The following MIGA1 variants were observed in gnomAD, a reference collection of about 807,000 sequenced individuals.
MIGA1 encodes mitoguardin 1.
Under a neutral mutation model 82.0 loss-of-function variants are expected in MIGA1, and 58 were observed. The observed-to-expected ratio is 0.71, with a 90% CI of 0.57 to 0.88. The LOEUF (loss-of-function observed/expected upper bound fraction) is 0.88, where lower values mean the gene tolerates loss of function less well. Ranked by LOEUF, MIGA1 falls within the 40% of genes least tolerant of loss-of-function variation. MIGA1 has a pLI of 0.00. For synonymous variants in MIGA1, 249 were observed against 253.6 expected (o/e 0.98, Z 0.17); for missense variants, 751 against 749.1 (o/e 1.00, Z -0.03).
At chr1:77,793,747 G>GA (rs1682533792) in intron 2 of MIGA1, among the ~76,000 whole-genome samples, 1 of 149,292 alleles carries the variant, frequency 6.7e-6, no homozygotes, top group African/African-American at 2.5e-5. Flanking sequence ...TTACAGGCGT[G>GA]AACCACTGTG....
rs762304055 is a variant in MIGA1 at position 77,874,884 on chromosome 1, T to C, written c.1719T>C (p.Phe573=). ...TATTTCTCAAAGACATTTTTGACTT[T>C]GAGAAGGTGCGCTATTCAAGTACAG... The change falls in exon 16 of 16, where the codon TTT becomes TTC. Residue 573 remains phenylalanine, a synonymous_variant. Coordinates refer to ENST00000370791, the MANE Select transcript of MIGA1 (RefSeq NM_198549.4). 1.9e-6 allele frequency: 3 copies of C among 1,613,970 alleles called. No individual in the cohort carries two copies. The highest frequency in any genetic ancestry group is 1.7e-5 in the Admixed American group (1 of 59,988).
At chr1:77,792,272 G>A (rs181132460) in intron 2 of MIGA1, among the ~76,000 whole-genome samples, 2 of 152,324 alleles carry the variant, frequency 1.3e-5, no homozygotes, top group African/African-American at 4.8e-5. Context: ...TGTCTGCCTG[G>A]AGTACAGGCT....
Position 77,874,942 on chromosome 1 carries a change from A to G in MIGA1, c.1777A>G (p.Ile593Val). 2 of 1,614,164 alleles carry G rather than the reference A, an allele frequency of 1.2e-6. No individual in the cohort carries two copies. The highest frequency in any genetic ancestry group is 1.7e-6 in the Non-Finnish European group (2 of 1,180,006). ...AGCTGAAGACCTCATGCAGTTACTC[A>G]TTCGCCGCACTGAGCTTTTAATGGC... The change falls in exon 16 of 16, where the codon ATT (isoleucine) becomes GTT (valine). Residue 593 changes from isoleucine (I) to valine (V), a missense_variant. This residue lies in a region of MIGA1 where 265 missense variants were observed against 293.6 expected (regional missense o/e 0.90). Transcript: ENST00000370791.
intron 7 of MIGA1, among the ~76,000 whole-genome samples, chr1:77,831,846 T>C (rs1164642333): frequency 6.6e-6 from 1 of 152,178 alleles, no homozygotes; most frequent in African/African-American, 2.4e-5. Context: ...CCAGGAAGTT[T>C]AGGCTGCAAG....
rs11408292 is a variant in MIGA1 at position 77,805,461 on chromosome 1, CTT to C, written c.511-1497_511-1496del. 8.2e-3 allele frequency among the ~76,000 whole-genome samples: 906 copies of C among 110,360 alleles called. 13 individuals are homozygous for C. Among genetic ancestry groups the C allele is most frequent in the African/African-American group, 0.029 (842 of 28,860 alleles). The allele number at this position is 110,360 out of a possible 152,430, so 72.4% of individuals were successfully genotyped here. A position where few individuals can be genotyped will look rare whatever the true frequency, so the allele number is the denominator to read the frequency against. On this transcript the variant is annotated intron_variant, in intron 4 of 15. Transcript: ENST00000370791. ...CAGCATAATGAAGAATATGCCTATT[CTT>C]TTTTTTTTTTTTTTTTGTCTTTTTG...
chr1:77,817,324 T>C (rs1385859136), intron 7 of MIGA1, among the ~76,000 whole-genome samples: 1 of 152,158 alleles, frequency 6.6e-6, no homozygotes, highest in Non-Finnish European at 1.5e-5. Context: ...GGGCTTAGTT[T>C]TGGGGTCTTC....
intron 7 of MIGA1, among the ~76,000 whole-genome samples, chr1:77,836,346 G>A (rs1203608733): frequency 6.6e-6 from 1 of 152,054 alleles, no homozygotes; most frequent in Non-Finnish European, 1.5e-5. Flanking sequence ...TGGTTTTAAC[G>A]CTTTTGCTAT....
Position 77,875,315 on chromosome 1 carries a change from C to T in MIGA1, c.*251C>T. The stretch of plus-strand genomic sequence containing the variant: ...TTGAAGTCATGAAATGTATATTTTA[C>T]AGAAATATCGCTTGAATTGAAGCCA... On this transcript the variant is annotated 3_prime_UTR_variant, in exon 16 of 16. Coordinates refer to ENST00000370791, the MANE Select transcript of MIGA1 (RefSeq NM_198549.4). The T allele has an allele frequency of 2.7e-6, 1 of 371,650 alleles. No individual in the cohort carries two copies. Among genetic ancestry groups the T allele is most frequent in the Non-Finnish European group, 4.9e-6 (1 of 206,006 alleles). The allele number at this position is 371,650 out of a possible 1,614,324, so 23.0% of individuals were successfully genotyped here.
chr1:77,795,215 C>T (rs567371818), intron 2 of MIGA1, among the ~76,000 whole-genome samples: 3 of 152,238 alleles, frequency 2.0e-5, no homozygotes, highest in East Asian at 3.9e-4. Context: ...CCACCTGCCT[C>T]GGCCTCTCAA....
At chr1:77,850,559 C>T (rs1324270080) in intron 8 of MIGA1, among the ~76,000 whole-genome samples, 2 of 152,174 alleles carry the variant, frequency 1.3e-5, no homozygotes, top group Non-Finnish European at 2.9e-5. Context: ...TATTTCATGT[C>T]CCTACTTGTA....
chr1:77,850,858 CTTTCT>C (rs1198784971), intron 8 of MIGA1, among the ~76,000 whole-genome samples: 165 of 79,620 alleles, frequency 2.1e-3, no homozygotes, highest in Non-Finnish European at 4.8e-3. Flanking sequence ...TTCTTTCTTT[CTTTCT>C]TTTTTTTTTT....
chr1:77,800,102 G>C lies in MIGA1; in HGVS notation c.196-1229G>C, dbSNP rs1682814846. On this transcript the variant is annotated intron_variant, in intron 2 of 15. Coordinates refer to ENST00000370791, the MANE Select transcript of MIGA1 (RefSeq NM_198549.4). ...TCTTTAATGGGGATAGAGGAGAAAG[G>C]TTATGGTGCTGGTTCATGCCCTCCA... 2.0e-5 allele frequency among the ~76,000 whole-genome samples: 3 copies of C among 152,246 alleles called. No individual in the cohort carries two copies. In the Middle Eastern group the frequency reaches 0.01, roughly 518 times the overall value.
At chr1:77,810,710 G>T (rs1466367838) in intron 5 of MIGA1, among the ~76,000 whole-genome samples, 1 of 152,190 alleles carries the variant, frequency 6.6e-6, no homozygotes, top group Non-Finnish European at 1.5e-5. Context: ...TCTGAATTCT[G>T]TGGTACAGCT....
At chr1:77,792,004 A>G (rs1682447001) in intron 2 of MIGA1, among the ~76,000 whole-genome samples, 1 of 152,220 alleles carries the variant, frequency 6.6e-6, no homozygotes, top group Non-Finnish European at 1.5e-5. Context: ...ATTATTTTAG[A>G]TGTTCTAATA....
chr1:77,836,799 TTTTTC>T (rs906804902), intron 7 of MIGA1, among the ~76,000 whole-genome samples: 3 of 152,198 alleles, frequency 2.0e-5, no homozygotes, highest in African/African-American at 7.2e-5. Context: ...GCAGTAAGTT[TTTTTC>T]TTTTTTTTAA....
rs551352455 is a variant in MIGA1 at position 77,811,695 on chromosome 1, C to T, written c.638-2039C>T. On this transcript the variant is annotated intron_variant, in intron 5 of 15. Transcript: ENST00000370791. The stretch of plus-strand genomic sequence containing the variant: ...ATATCTGATACTCGTCTATCGCCTC[C>T]ACCAGCTGGCCCCAAGAGTCGAAGT... 4.3e-5 allele frequency: 69 copies of T among 1,612,018 alleles called. No individual in the cohort carries two copies. In the African/African-American group the frequency reaches 7.9e-4, roughly 18 times the overall value.
intron 2 of MIGA1, among the ~76,000 whole-genome samples, chr1:77,798,279 A>G (rs1018262975): frequency 6.6e-6 from 1 of 152,002 alleles, no homozygotes; most frequent in African/African-American, 2.4e-5. Context: ...GCTTCTGGTG[A>G]CTCCAGACAT....
At chr1:77,805,120 G>A (rs1683041658) in intron 4 of MIGA1, among the ~76,000 whole-genome samples, 2 of 150,016 alleles carry the variant, frequency 1.3e-5, no homozygotes, top group South Asian at 2.1e-4. Context: ...TCAGCCTCCC[G>A]AGTAGCTGGG....
intron 7 of MIGA1, among the ~76,000 whole-genome samples, chr1:77,834,605 C>A (rs2101866545): frequency 6.6e-6 from 1 of 152,220 alleles, no homozygotes; most frequent in East Asian, 1.9e-4. Flanking sequence ...TTTGTTGTTT[C>A]TGATTTTTAT....
Sources: gnomAD v4.1 joint callset for allele counts (sites outside exome capture counted in the v4.1 genomes callset) on GRCh38, gnomAD v4.1.1 for gene constraint, gnomAD v4.1.1 regional missense constraint, MANE v1.5 for transcripts, NCBI Gene and HGNC (gene_info 2026-07-23, HGNC 2026-07-21) for gene names.